Variants in ROR2 observed in about 807,000 individuals in gnomAD.
ROR2 encodes the protein tyrosine-protein kinase transmembrane receptor ROR2.
In ROR2, 33 loss-of-function variants were observed where a neutral mutation model predicts 74.9. The observed-to-expected ratio is 0.44, with a 90% CI of 0.33 to 0.59. The LOEUF is 0.59. Among genes scored for constraint, ROR2 ranks in the 20% least tolerant of loss-of-function variants. The pLI is 0.02. For synonymous variants in ROR2, 586 were observed against 558.7 expected (o/e 1.05, Z -0.69); for missense variants, 1,216 against 1,313.8 (o/e 0.93, Z 1.15).
At chr9:91,896,089 CA>C (rs565477614) in intron 1 of ROR2, among the ~76,000 whole-genome samples, 100 of 152,136 alleles carry the variant, frequency 6.6e-4, no homozygotes, top group Middle Eastern at 6.8e-3. Context: ...GTTAATGTTG[CA>C]AAAAAGGATG....
At chr9:91,927,572 T>TC (rs1387899408) in intron 1 of ROR2, among the ~76,000 whole-genome samples, 3 of 144,278 alleles carry the variant, frequency 2.1e-5, no homozygotes, top group Non-Finnish European at 4.6e-5. Context: ...CTTTTTTTTT[T>TC]TTTTTTTTTT....
At chr9:91,938,158 G>A (rs1047466151) in intron 1 of ROR2, among the ~76,000 whole-genome samples, 1 of 152,134 alleles carries the variant, frequency 6.6e-6, no homozygotes, top group Non-Finnish European at 1.5e-5. Flanking sequence ...TAATATTTGG[G>A]TATTTTAAGA....
intron 4 of ROR2, among the ~76,000 whole-genome samples, chr9:91,741,076 T>C (rs1014864587): frequency 2.0e-5 from 3 of 151,780 alleles, no homozygotes; most frequent in Non-Finnish European, 2.9e-5. Flanking sequence ...CCAAGGTGGG[T>C]GGATCATGAG....
rs113761402 is a variant in ROR2, at chr9:91,780,859, A to C, written c.98-5041T>G. ...GTTCTGATTCCAAGGCTCTACCTCT[A>C]GTATCACAATCATTCTCTCATTAAC... On this transcript the variant is annotated intron_variant, in intron 1 of 8. Coordinates refer to ENST00000375708, the MANE Select transcript of ROR2 (RefSeq NM_004560.4). Among the ~76,000 whole-genome samples the C allele has an allele frequency of 4.6e-5, 7 of 152,376 alleles. 2 individuals carry two copies. The highest frequency in any genetic ancestry group is 1.7e-4 in the African/African-American group (7 of 41,586).
intron 1 of ROR2, among the ~76,000 whole-genome samples, chr9:91,810,801 G>C (rs1391164226): frequency 1.3e-5 from 2 of 152,134 alleles, no homozygotes; most frequent in South Asian, 4.1e-4. Flanking sequence ...TACGTTTGCG[G>C]GTCACACACA....
intron 1 of ROR2, among the ~76,000 whole-genome samples, chr9:91,853,926 A>G (rs959640243): frequency 1.3e-5 from 2 of 152,200 alleles, no homozygotes; most frequent in Non-Finnish European, 2.9e-5. Flanking sequence ...TCCTTGGCCA[A>G]TATCTGTAAT....
At chr9:91,751,927 G>A (rs1222404696) in intron 4 of ROR2, among the ~76,000 whole-genome samples, 2 of 152,218 alleles carry the variant, frequency 1.3e-5, no homozygotes, top group African/African-American at 4.8e-5. Flanking sequence ...AATGCGTGGT[G>A]GAAGCAGGGA....
intron 1 of ROR2, among the ~76,000 whole-genome samples, chr9:91,859,244 C>G (rs963094507): frequency 4.8e-4 from 68 of 140,716 alleles, no homozygotes; most frequent in Non-Finnish European, 9.0e-5. Flanking sequence ...CTCTGTTGCC[C>G]AGGCTGGAGT....
chr9:91,892,585 CTTTTCTT>C (rs1392090636), intron 1 of ROR2, among the ~76,000 whole-genome samples: 36 of 120,808 alleles, frequency 3.0e-4, no homozygotes, highest in Middle Eastern at 4.6e-3. Context: ...TTTTTCTTTT[CTTTTCTT>C]TTTTTTTTTT....
intron 2 of ROR2, among the ~76,000 whole-genome samples, chr9:91,771,712 CCTCT>C: frequency 6.8e-6 from 1 of 146,556 alleles, no homozygotes; most frequent in Middle Eastern, 3.5e-3. Flanking sequence ...CTCTCTCTCT[CCTCT>C]CTCTCTTCTC....
intron 1 of ROR2, among the ~76,000 whole-genome samples, chr9:91,926,178 G>A (rs1031375421): frequency 7.3e-5 from 11 of 151,488 alleles, no homozygotes; most frequent in South Asian, 2.1e-4. Flanking sequence ...TCAGGAGATC[G>A]AGACCATCCT....
At chr9:91,831,276 A>T (rs867183381) in intron 1 of ROR2, among the ~76,000 whole-genome samples, 1 of 151,970 alleles carries the variant, frequency 6.6e-6, no homozygotes, top group Non-Finnish European at 1.5e-5. Flanking sequence ...AAAACAAAAA[A>T]AAAAAATTGT....
At position 91,757,005 on chromosome 9, in the gene ROR2, G is replaced by A. The variant is rs1357449100; in HGVS notation, c.463+267C>T. Among the ~76,000 whole-genome samples, 3 of 151,982 alleles carry A rather than the reference G, an allele frequency of 2.0e-5. No individual in the cohort carries two copies. In the East Asian group the frequency reaches 5.8e-4, roughly 29 times the overall value. On this transcript the variant is annotated intron_variant, in intron 3 of 8. Coordinates refer to ENST00000375708, the MANE Select transcript of ROR2 (RefSeq NM_004560.4). ...GGCTGATCTCAAACTCCTGACCTCA[G>A]GTGATCCGCCCACCTCGGCCTCCCA...
At chr9:91,827,917 T>C (rs73515179) in intron 1 of ROR2, among the ~76,000 whole-genome samples, 4,292 of 152,352 alleles carry the variant, frequency 0.028, 147 homozygotes, top group Middle Eastern at 0.099. Flanking sequence ...AGTGCCATGT[T>C]GTTGTAGTTT....
intron 2 of ROR2, among the ~76,000 whole-genome samples, chr9:91,762,839 T>C (rs919421047): frequency 8.5e-5 from 13 of 152,334 alleles, no homozygotes; most frequent in African/African-American, 2.4e-4. Context: ...ATTTCCCAGT[T>C]GAAGGACTGT....
chr9:91,758,930 C>T (rs1825836235), intron 2 of ROR2, among the ~76,000 whole-genome samples: 1 of 152,176 alleles, frequency 6.6e-6, no homozygotes, highest in Non-Finnish European at 1.5e-5. Flanking sequence ...GTAGGGAAAA[C>T]TAATGTTGGA....
intron 1 of ROR2, among the ~76,000 whole-genome samples, chr9:91,915,690 T>C (rs925061941): frequency 6.6e-6 from 1 of 152,052 alleles, no homozygotes; most frequent in Non-Finnish European, 1.5e-5. Context: ...CCCTTATTTG[T>C]CCCCTCCCAC....
intron 1 of ROR2, among the ~76,000 whole-genome samples, chr9:91,829,549 C>CAA (rs34687056): frequency 0.078 from 3,119 of 39,796 alleles, 309 homozygotes; most frequent in Middle Eastern, 0.14. Context: ...GACTCCGTCT[C>CAA]AAAAAAAAAA....
intron 1 of ROR2, among the ~76,000 whole-genome samples, chr9:91,924,086 C>A (rs1217736809): frequency 6.6e-6 from 1 of 152,262 alleles, no homozygotes; most frequent in Non-Finnish European, 1.5e-5. Context: ...TTCTTTCCTG[C>A]TCTCCCCAAG....
Sources: allele counts gnomAD v4.1 joint callset (sites outside exome capture counted in the v4.1 genomes callset), GRCh38; gene constraint gnomAD v4.1.1; transcripts MANE v1.5; gene names NCBI Gene and HGNC (gene_info 2026-07-23, HGNC 2026-07-21).